NUP153: variants seen among roughly 807,000 people sequenced by gnomAD.
The protein encoded by NUP153 is nuclear pore complex protein Nup153.
Under a neutral mutation model 134.6 loss-of-function variants are expected in NUP153, and 27 were observed. That is an observed-to-expected ratio of 0.20 (90% CI 0.15 to 0.28). NUP153 has a LOEUF of 0.28. Ranked by LOEUF, NUP153 falls within the 10% of genes least tolerant of loss-of-function variation. The probability of loss-of-function intolerance (pLI) is 1.00; values close to 1 mark genes in which losing one functional copy is unlikely to be tolerated. For synonymous variants in NUP153, 640 were observed against 623.5 expected (o/e 1.03, Z -0.40); for missense variants, 1,821 against 1,731.3 (o/e 1.05, Z -0.92).
At chr6:17,663,611 G>C (rs899979891) in intron 9 of NUP153, among the ~76,000 whole-genome samples, 1 of 152,090 alleles carries the variant, frequency 6.6e-6, no homozygotes, top group Non-Finnish European at 1.5e-5. Context: ...TAAAAGTATG[G>C]AGGGAGATAA....
At chr6:17,633,004 T>C (rs554728042) in intron 16 of NUP153, among the ~76,000 whole-genome samples, 160 bp from the exon 17 acceptor site, 2 of 152,318 alleles carry the variant, frequency 1.3e-5, no homozygotes, top group African/African-American at 4.8e-5. Flanking sequence ...CAACTGTTCA[T>C]ATTTACATTG....
chr6:17,639,817 T>G, intron 15 of NUP153, 122 bp downstream of exon 15: 6 of 825,598 alleles, frequency 7.3e-6, no homozygotes, highest in Non-Finnish European at 1.1e-5. Flanking sequence ...ACATCTCTAT[T>G]CAAAAGTAAA....
At position 17,669,290 on chromosome 6, in the gene NUP153, T is replaced by C. The variant is rs780278240; in HGVS notation, c.1014+3A>G. ...TTGTAAAAAGGTTTAAATCTCAACTTACAGAATTCAGAGGAGAAGAAACAA... is the reference window on the plus strand; with the variant it reads ...TTGTAAAAAGGTTTAAATCTCAACTCACAGAATTCAGAGGAGAAGAAACAA... On this transcript the variant is annotated splice_donor_region_variant and intron_variant, in intron 7 of 21. Coordinates refer to ENST00000262077, the MANE Select transcript of NUP153 (RefSeq NM_005124.4). The C allele has an allele frequency of 6.2e-6, 10 of 1,609,352 alleles. No individual in the cohort carries two copies. Among genetic ancestry groups the C allele is most frequent in the Non-Finnish European group, 8.5e-6 (10 of 1,176,116 alleles).
At chr6:17,630,068 G>C (rs1247188967) in intron 17 of NUP153, among the ~76,000 whole-genome samples, 1 of 152,180 alleles carries the variant, frequency 6.6e-6, no homozygotes, top group Admixed American at 6.5e-5. Flanking sequence ...GGGCAGAAAG[G>C]GAGTGCGGTA....
At chr6:17,652,933 G>A (rs1766591038) in intron 11 of NUP153, among the ~76,000 whole-genome samples, 1 of 152,128 alleles carries the variant, frequency 6.6e-6, no homozygotes, top group South Asian at 2.1e-4. Flanking sequence ...GGAGACTGAG[G>A]TAGGAGAATC....
In NUP153 at chr6:17,675,739, A is replaced by G. The variant is rs1286172550; in HGVS notation, c.366T>C (p.Tyr122=). 3.1e-6 allele frequency: 5 copies of G among 1,613,756 alleles called. No homozygotes were observed. The highest frequency in any genetic ancestry group is 2.2e-5 in the East Asian group (1 of 44,892). ...GAGAAGGCCTTGTTAACACATCTGG[A>G]TAATTTGAAGCAGTACTAGTTGTTG... The part of the protein sequence containing the change: ...EPSTTSTASN[Y]PDVLTRPSLH... The change falls in exon 3 of 22, where the codon TAT becomes TAC. Residue 122 remains tyrosine, a synonymous_variant. Coordinates refer to ENST00000262077, the MANE Select transcript of NUP153 (RefSeq NM_005124.4). This position sits in a 1 kb window ranked among gnomAD's most constrained non-coding sequence, Gnocchi z 4.4.
At position 17,615,259 on chromosome 6, in the gene NUP153, C is replaced by T. The variant is rs1325612176; in HGVS notation, c.*838G>A. On this transcript the variant is annotated 3_prime_UTR_variant, in exon 22 of 22. Coordinates refer to ENST00000262077, the MANE Select transcript of NUP153 (RefSeq NM_005124.4). The surrounding 1 kb of genome is among the most constrained non-coding windows in gnomAD (Gnocchi z 5.7). ...CAATAAATTCAACTTTAAGAATCCCCAATTTTTTTTTTAAAGATTTCCAAA... is the reference window on the plus strand; with the variant it reads ...CAATAAATTCAACTTTAAGAATCCCTAATTTTTTTTTTAAAGATTTCCAAA... 6.6e-6 allele frequency: 1 copy of T among 152,398 alleles called. No individual in the cohort carries two copies. The highest frequency in any genetic ancestry group is 1.5e-5 in the Non-Finnish European group (1 of 67,998). The allele number at this position is 152,398 out of a possible 1,614,324, so 9.4% of individuals were successfully genotyped here. A position where few individuals can be genotyped will look rare whatever the true frequency, so the allele number is the denominator to read the frequency against.
intron 1 of NUP153, among the ~76,000 whole-genome samples, chr6:17,705,398 C>A (rs1213719180): frequency 6.6e-6 from 1 of 152,106 alleles, no homozygotes; most frequent in Non-Finnish European, 1.5e-5. Context: ...TTTTAAACAT[C>A]CAGGAGTTCA....
chr6:17,671,850 A>C (rs1413607859), intron 5 of NUP153, among the ~76,000 whole-genome samples: 1 of 152,176 alleles, frequency 6.6e-6, no homozygotes, highest in Non-Finnish European at 1.5e-5. Flanking sequence ...TCTACTAAAA[A>C]TACAAAAATT....
chr6:17,690,703 A>G (rs1356055217), intron 1 of NUP153, among the ~76,000 whole-genome samples: 1 of 152,218 alleles, frequency 6.6e-6, no homozygotes, highest in African/African-American at 2.4e-5. Flanking sequence ...ATGACTCAGT[A>G]GGTACAGAAA....
chr6:17,683,907 A>G (rs910348749), intron 2 of NUP153, among the ~76,000 whole-genome samples: 2 of 152,090 alleles, frequency 1.3e-5, no homozygotes, highest in Non-Finnish European at 1.5e-5. Context: ...TTTGATCCTC[A>G]ATGTTGGAAG....
chr6:17,658,948 A>G (rs1346751887), intron 11 of NUP153, among the ~76,000 whole-genome samples: 1 of 152,170 alleles, frequency 6.6e-6, no homozygotes, highest in African/African-American at 2.4e-5. Context: ...TCAGAATCCC[A>G]GCGAAACCAC....
intron 16 of NUP153, among the ~76,000 whole-genome samples, chr6:17,635,104 CTTT>C (rs59700511): frequency 3.6e-4 from 38 of 104,254 alleles, no homozygotes; most frequent in African/African-American, 8.6e-4. Context: ...CTTGGCTTAT[CTTT>C]TTTTTTTTTT....
At chr6:17,701,702 C>T (rs963822980) in intron 1 of NUP153, among the ~76,000 whole-genome samples, 1 of 151,008 alleles carries the variant, frequency 6.6e-6, no homozygotes, top group African/African-American at 2.4e-5. Flanking sequence ...GGCGTGGTGG[C>T]CTGCGCCTGT....
intron 20 of NUP153, among the ~76,000 whole-genome samples, chr6:17,622,705 A>T (rs991938180): frequency 3.3e-5 from 5 of 152,188 alleles, no homozygotes; most frequent in African/African-American, 4.8e-5. Context: ...AAAAAAAATA[A>T]AGAGAGGAAG....
At chr6:17,685,145 A>T (rs1581760218) in intron 2 of NUP153, among the ~76,000 whole-genome samples, 1 of 152,390 alleles carries the variant, frequency 6.6e-6, no homozygotes, top group East Asian at 1.9e-4. Flanking sequence ...ATATGTATTT[A>T]TAAAATTAAT....
rs1397412107 is a variant in NUP153, at chr6:17,637,734, T to C, written c.1883A>G (p.Gln628Arg). The C allele has an allele frequency of 6.2e-7, 1 of 1,604,802 alleles. No individual in the cohort carries two copies. The highest frequency in any genetic ancestry group is 1.7e-5 in the Admixed American group (1 of 60,002). The change falls in exon 16 of 22, where the codon CAG (glutamine) becomes CGG (arginine). Residue 628 changes from glutamine (Q) to arginine (R), a missense_variant. By Grantham distance (43) the Gln-to-Arg change is conservative. Coordinates refer to ENST00000262077, the MANE Select transcript of NUP153 (RefSeq NM_005124.4). The part of the protein sequence containing the change: ...ASPKIDSVAA[Q>R]PTATSPVVYT... ...AACTACTGGGCTTGTTGCGGTGGGCTGAGCAGCAACAGAATCTATCTTCGG... is the reference window on the plus strand; with the variant it reads ...AACTACTGGGCTTGTTGCGGTGGGCCGAGCAGCAACAGAATCTATCTTCGG...
intron 20 of NUP153, chr6:17,619,431 A>G (rs1764526544): frequency 1.3e-5 from 2 of 152,240 alleles, no homozygotes; most frequent in Admixed American, 6.5e-5. Context: ...AATCTCCAAA[A>G]GAATGGTAAA....
Position 17,625,995 on chromosome 6 carries a change from A to G in NUP153, c.3714T>C (p.Ser1238=). The G allele has an allele frequency of 6.2e-7, 1 of 1,614,208 alleles. No homozygotes were observed. Among genetic ancestry groups the G allele is most frequent in the Non-Finnish European group, 8.5e-7 (1 of 1,180,028 alleles). Residue 1238 remains serine, a synonymous_variant, in exon 19 of 22, where the codon TCT becomes TCC. Coordinates refer to ENST00000262077, the MANE Select transcript of NUP153 (RefSeq NM_005124.4). The surrounding 1 kb of genome is among the most constrained non-coding windows in gnomAD (Gnocchi z 4.7). ...FGQSSNPVSS[S]AFGNTAESST... is the part of the protein sequence containing the mutation. The stretch of plus-strand genomic sequence containing the variant: ...TGGATTCAGCAGTGTTACCAAAGGC[A>G]GAGCTGCTCACAGGATTGCTGGACT...
Sources: allele counts gnomAD v4.1 joint callset (sites outside exome capture counted in the v4.1 genomes callset), GRCh38; gene constraint gnomAD v4.1.1; non-coding constraint Gnocchi (gnomAD v3.1); transcripts MANE v1.5; gene names NCBI Gene and HGNC (gene_info 2026-07-23, HGNC 2026-07-21).